Variants in CASK observed in about 807,000 individuals in gnomAD.
The protein encoded by CASK is peripheral plasma membrane protein CASK.
CASK carries 4 observed loss-of-function variants against 82.9 expected under a neutral mutation model. The ratio of observed to expected loss-of-function variants is 0.05; its 90% CI spans 0.02 to 0.11. CASK has a LOEUF of 0.11. Among genes scored for constraint, CASK ranks in the 10% least tolerant of loss-of-function variants. The pLI is 1.00. For synonymous variants in CASK, 259 were observed against 253.5 expected (o/e 1.02, Z -0.20); for missense variants, 358 against 720.9 (o/e 0.50, Z 5.76).
At chrX:41,614,314 T>G (rs1379891491) in intron 11 of CASK, among the ~76,000 whole-genome samples, 2 of 111,752 alleles carry the variant, frequency 1.8e-5, no homozygotes, top group African/African-American at 6.5e-5. Flanking sequence ...ATACTGCCTA[T>G]GGGGTAGCCC....
chrX:41,641,723 C>T (rs2066657820), intron 8 of CASK, among the ~76,000 whole-genome samples: 1 of 109,736 alleles, frequency 9.1e-6, no homozygotes, highest in African/African-American at 3.3e-5. Context: ...AAAAACTTTA[C>T]TTTTATTTAT....
At chrX:41,767,795 C>T (rs922357880) in intron 3 of CASK, among the ~76,000 whole-genome samples, 2 of 111,503 alleles carry the variant, frequency 1.8e-5, no homozygotes, top group Non-Finnish European at 3.8e-5. Context: ...CTTCTCATCA[C>T]ATCATATCAA....
At chrX:41,807,219 A>AAACAAC (rs745347279) in intron 2 of CASK, among the ~76,000 whole-genome samples, 2 of 110,750 alleles carry the variant, frequency 1.8e-5, no homozygotes, top group Non-Finnish European at 1.9e-5. Flanking sequence ...TATCATTCTC[A>AAACAAC]AACAACAACA....
At chrX:41,715,440 C>A (rs1015384885) in intron 5 of CASK, among the ~76,000 whole-genome samples, 1 of 110,586 alleles carries the variant, frequency 9.0e-6, no homozygotes, top group Non-Finnish European at 1.9e-5. Context: ...GCCGACATGG[C>A]GAAACCCCGT....
At chrX:41,889,948 C>A (rs1391528967) in intron 1 of CASK, among the ~76,000 whole-genome samples, 1 of 111,603 alleles carries the variant, frequency 9.0e-6, no homozygotes, top group East Asian at 2.8e-4. Context: ...TTTGACAGCT[C>A]TGTAGAACTT....
intron 11 of CASK, 34 bp from the exon 12 acceptor site, chrX:41,610,059 A>G (rs1306571710): frequency 4.2e-6 from 5 of 1,195,023 alleles, no homozygotes. Context: ...AACAGCCAGT[A>G]TAGAAAGTCA....
At chrX:41,537,695 G>T (rs935614229) in intron 22 of CASK, among the ~76,000 whole-genome samples, 9 of 110,019 alleles carry the variant, frequency 8.2e-5, no homozygotes, top group Non-Finnish European at 1.7e-4. Context: ...CATATGCATA[G>T]ACATTTTATC....
chrX:41,517,644 C>G lies in CASK; in HGVS notation c.*2776G>C. On this transcript the variant is annotated 3_prime_UTR_variant, in exon 27 of 27. Coordinates refer to ENST00000378163, the MANE Select transcript of CASK (RefSeq NM_001367721.1). ...TTGACCACTAATAAGATTTAGTACTCTAAACATTCATTCTGGTCTTTAAAA... is the reference window on the plus strand; with the variant it reads ...TTGACCACTAATAAGATTTAGTACTGTAAACATTCATTCTGGTCTTTAAAA... 1 of 429,025 alleles carries G rather than the reference C, an allele frequency of 2.3e-6. No homozygotes were observed. Among genetic ancestry groups the G allele is most frequent in the East Asian group, 4.0e-5 (1 of 24,757 alleles). The allele number at this position is 429,025 out of a possible 1,213,427, so 35.4% of individuals were successfully genotyped here.
chrX:41,864,229 T>C (rs1419070686), intron 1 of CASK, among the ~76,000 whole-genome samples: 1 of 111,912 alleles, frequency 8.9e-6, no homozygotes, highest in African/African-American at 3.3e-5. Flanking sequence ...CCTCTCTCTA[T>C]TCATTTCAGT....
rs1239155867 is a variant in CASK, at chrX:41,519,365, A to G, written c.*1055T>C. ...TAAACTGGTTTCTTCATTGCACAGT[A>G]TTTTCTCTTAAAATGGGTGCTTTAA... On this transcript the variant is annotated 3_prime_UTR_variant, in exon 27 of 27. Transcript: ENST00000378163. 8.9e-6 allele frequency: 1 copy of G among 111,786 alleles called. No individual in the cohort carries two copies. The highest frequency in any genetic ancestry group is 1.9e-5 in the Non-Finnish European group (1 of 53,203). The allele number at this position is 111,786 out of a possible 1,213,427, so 9.2% of individuals were successfully genotyped here. A position where few individuals can be genotyped will look rare whatever the true frequency, so the allele number is the denominator to read the frequency against.
intron 5 of CASK, chrX:41,726,895 T>C: frequency 2.7e-6 from 1 of 365,800 alleles, no homozygotes; most frequent in Non-Finnish European, 4.7e-6. Flanking sequence ...TTTGTTACTA[T>C]TTTATTTAAT....
At chrX:41,921,762 G>A (rs951895554) in intron 1 of CASK, among the ~76,000 whole-genome samples, 1 of 105,097 alleles carries the variant, frequency 9.5e-6, no homozygotes, top group African/African-American at 3.5e-5. Flanking sequence ...CACTCAAATT[G>A]AAATTGAGTA....
chrX:41,677,351 C>T lies in CASK; in HGVS notation c.430-5821G>A, dbSNP rs755000467. On this transcript the variant is annotated intron_variant, in intron 5 of 26. Transcript: ENST00000378163. ...AGTCAGAGGATTGAGTCCTGGTGCA[C>T]GCCAATATCTGAAGTCAGAAGAAAA... 5.4e-5 allele frequency among the ~76,000 whole-genome samples: 6 copies of T among 110,528 alleles called. No individual in the cohort carries two copies. In the South Asian group the frequency reaches 2.3e-3, roughly 43 times the overall value.
At chrX:41,681,468 A>T (rs1021340909) in intron 5 of CASK, among the ~76,000 whole-genome samples, 4 of 112,013 alleles carry the variant, frequency 3.6e-5, no homozygotes, top group Non-Finnish European at 7.5e-5. Context: ...TGTTGCAGTG[A>T]GCTCAAGTCT....
Position 41,724,092 on chromosome X carries a change from C to T in CASK, c.429+15292G>A, listed in dbSNP as rs761952864. ...GGGTTTTTTGAGGAGGCAGTTGCCA[C>T]ATTGACCATAACTATTGAATTTCTT... On this transcript the variant is annotated intron_variant, in intron 5 of 26. Transcript: ENST00000378163. 3 of 112,584 alleles carry T rather than the reference C, an allele frequency of 2.7e-5. No homozygotes were observed. The East Asian group carries it at 8.3e-4, about 31-fold the overall frequency. 9.3% of individuals were successfully genotyped at this position (112,584 alleles called of 1,213,427 possible).
At chrX:41,904,533 A>G (rs901407023) in intron 1 of CASK, among the ~76,000 whole-genome samples, 3 of 112,409 alleles carry the variant, frequency 2.7e-5, no homozygotes, top group African/African-American at 9.7e-5. Flanking sequence ...CCCAAATAAT[A>G]GAGATATACC....
intron 25 of CASK, among the ~76,000 whole-genome samples, chrX:41,526,545 C>T (rs2064715775): frequency 8.9e-6 from 1 of 112,344 alleles, no homozygotes; most frequent in African/African-American, 3.2e-5. Context: ...GATTGCCCAT[C>T]TCTGCACTGC....
intron 24 of CASK, among the ~76,000 whole-genome samples, chrX:41,531,518 A>G (rs1024724446): frequency 8.9e-6 from 1 of 112,395 alleles, no homozygotes; most frequent in African/African-American, 3.2e-5. Context: ...CCCAAGATTA[A>G]TATAACTCAC....
At chrX:41,775,347 A>G (rs2069337500) in intron 3 of CASK, among the ~76,000 whole-genome samples, 1 of 110,914 alleles carries the variant, frequency 9.0e-6, no homozygotes, top group Non-Finnish European at 1.9e-5. Context: ...ACCATCCCAC[A>G]CCAGTTAGAA....
Sources: allele counts gnomAD v4.1 joint callset (sites outside exome capture counted in the v4.1 genomes callset), GRCh38; gene constraint gnomAD v4.1.1; transcripts MANE v1.5; gene names NCBI Gene and HGNC (gene_info 2026-07-23, HGNC 2026-07-21).